PEX5: variants seen among roughly 807,000 people sequenced by gnomAD.
PEX5 encodes the protein peroxisomal biogenesis factor 5, also known as PTS1 receptor.
A neutral mutation model predicts 82.9 loss-of-function variants in PEX5; 52 were observed. The ratio of observed to expected loss-of-function variants is 0.63; its 90% CI spans 0.50 to 0.79. The LOEUF (loss-of-function observed/expected upper bound fraction) is 0.79. Among genes scored for constraint, PEX5 ranks in the 30% least tolerant of loss-of-function variants. PEX5 has a pLI of 0.00. For synonymous variants in PEX5, 300 were observed against 318.8 expected (o/e 0.94, Z 0.63); for missense variants, 719 against 815.2 (o/e 0.88, Z 1.44).
intron 10 of PEX5, among the ~76,000 whole-genome samples, chr12:7,205,419 G>A (rs1346359462): frequency 6.6e-6 from 1 of 152,162 alleles, no homozygotes; most frequent in African/African-American, 2.4e-5. Context: ...TGCACTGTTT[G>A]TTTATTGATA....
At chr12:7,195,849 A>G (rs1311368835) in intron 5 of PEX5, among the ~76,000 whole-genome samples, 1 of 150,880 alleles carries the variant, frequency 6.6e-6, no homozygotes, top group Non-Finnish European at 1.5e-5. Context: ...AGTATTAAGC[A>G]TCTCCTTTCC....
intron 5 of PEX5, among the ~76,000 whole-genome samples, chr12:7,198,171 C>T (rs1943103684): frequency 6.6e-6 from 1 of 152,098 alleles, no homozygotes; most frequent in Admixed American, 6.5e-5. Flanking sequence ...CCCTTTGTCA[C>T]TAGAGCTTCT....
chr12:7,209,213 C>G (rs748301707), intron 14 of PEX5, 43 bp downstream of exon 14: 2 of 1,593,940 alleles, frequency 1.3e-6, no homozygotes, highest in East Asian at 2.2e-5. Context: ...GACTGTGTAC[C>G]TTATTGAAGA....
At position 7,197,023 on chromosome 12, in the gene PEX5, G is replaced by GTAA. The variant is rs200055098; in HGVS notation, c.449-1986_449-1984dup. Among the ~76,000 whole-genome samples the GTAA allele has an allele frequency of 1.5e-4, 4 of 26,012 alleles. 2 individuals carry two copies. The highest frequency in any genetic ancestry group is 1.5e-3 in the East Asian group (2 of 1,334). 17.1% of individuals were successfully genotyped at this position (26,012 alleles called of 152,430 possible). On this transcript the variant is annotated intron_variant, in intron 5 of 15. Coordinates refer to ENST00000675855, the MANE Select transcript of PEX5 (RefSeq NM_001351132.2). The stretch of plus-strand genomic sequence containing the variant: ...AATAATTATATATGTCACATATAAT[G>GTAA]TAATTATATATGTCACATATAATGT...
downstream of PEX5, among the ~76,000 whole-genome samples, chr12:7,214,349 G>GA (rs1282175631): frequency 6.6e-6 from 1 of 151,902 alleles, no homozygotes; most frequent in African/African-American, 2.4e-5. Context: ...ACTGGATTAA[G>GA]AAAATGTGGC....
At chr12:7,203,381 G>T (rs1944382102) in intron 9 of PEX5, 51 bp from the exon 10 acceptor site, 1 of 1,573,264 alleles carries the variant, frequency 6.4e-7, no homozygotes, top group East Asian at 2.3e-5. Flanking sequence ...AGTGTGGGGT[G>T]GGGTGGTCAT....
chr12:7,200,272 T>G (rs1943615313), intron 6 of PEX5, among the ~76,000 whole-genome samples: 1 of 145,514 alleles, frequency 6.9e-6, no homozygotes. Flanking sequence ...GCAGAGGCGC[T>G]CCTCACATCT....
chr12:7,200,903 T>G (rs776933129), intron 6 of PEX5, among the ~76,000 whole-genome samples: 19 of 151,394 alleles, frequency 1.3e-4, no homozygotes, highest in African/African-American at 4.1e-4. Context: ...AGAGAGACCG[T>G]AGGGAGAGGG....
intron 1 of PEX5, chr12:7,190,015 C>A: frequency 6.6e-7 from 1 of 1,504,178 alleles, no homozygotes; most frequent in Non-Finnish European, 8.8e-7. Context: ...GTCCCTTCTT[C>A]GGGCAGTGTC....
intron 10 of PEX5, among the ~76,000 whole-genome samples, chr12:7,204,087 T>C (rs2136183906): frequency 6.6e-6 from 1 of 152,378 alleles, no homozygotes; most frequent in South Asian, 2.1e-4. Context: ...GAAAGATGAT[T>C]GCATTTTGCC....
intron 10 of PEX5, among the ~76,000 whole-genome samples, chr12:7,207,022 G>A (rs991214984): frequency 6.6e-6 from 1 of 152,132 alleles, no homozygotes; most frequent in Non-Finnish European, 1.5e-5. Context: ...GGAAGAGAAT[G>A]GTGTCTTTCT....
chr12:7,213,319 T>G (rs1394615576), downstream of PEX5, among the ~76,000 whole-genome samples: 2 of 152,052 alleles, frequency 1.3e-5, no homozygotes, highest in African/African-American at 4.8e-5. Flanking sequence ...CTACCTGACT[T>G]CTTCAAACTA....
In PEX5 at chr12:7,203,447, T is replaced by C; in HGVS notation, c.862T>C (p.Trp288Arg). 6.2e-7 allele frequency: 1 copy of C among 1,613,854 alleles called. No homozygotes were observed. Among genetic ancestry groups the C allele is most frequent in the Non-Finnish European group, 8.5e-7 (1 of 1,179,938 alleles). Residue 288 changes from tryptophan to arginine, a missense_variant, in exon 10 of 16, where the codon TGG becomes CGG. Trp to Arg is a moderately radical substitution (Grantham distance 101, BLOSUM62 -3). Coordinates refer to ENST00000675855, the MANE Select transcript of PEX5 (RefSeq NM_001351132.2). ...TTCCTTACAGTCTGATGTCGATTTCTGGGACAAGTTGCAGGCAGAGTTGGA... is the reference window on the plus strand; with the variant it reads ...TTCCTTACAGTCTGATGTCGATTTCCGGGACAAGTTGCAGGCAGAGTTGGA... ...KSAIESDVDF[W>R]DKLQAELEEM...
intron 1 of PEX5, chr12:7,190,018 G>T: frequency 6.6e-7 from 1 of 1,504,196 alleles, no homozygotes; most frequent in Non-Finnish European, 8.8e-7. Context: ...CCTTCTTCGG[G>T]CAGTGTCGCC....
intron 8 of PEX5, 115 bp downstream of exon 8, chr12:7,202,466 A>G: frequency 6.9e-7 from 1 of 1,445,888 alleles, no homozygotes. Context: ...TCTTGATAGC[A>G]TCCAGGTCCC....
intron 1 of PEX5, 186 bp from the exon 2 acceptor site, chr12:7,190,176 G>C (rs1183910540): frequency 1.3e-5 from 20 of 1,507,362 alleles, no homozygotes; most frequent in Non-Finnish European, 1.7e-5. Flanking sequence ...TGAGGGGGGC[G>C]GCAGGAGAGA....
intron 5 of PEX5, 75 bp downstream of exon 5, chr12:7,191,775 T>C (rs1179635853): frequency 1.4e-6 from 2 of 1,405,770 alleles, no homozygotes; most frequent in Non-Finnish European, 2.0e-6. Flanking sequence ...GTTCACGTTA[T>C]AGTGTGATTA....
chr12:7,191,355 A>G lies in PEX5; in HGVS notation c.313A>G (p.Arg105Gly). The G allele has an allele frequency of 1.9e-6, 3 of 1,614,146 alleles. No homozygotes were observed. Among genetic ancestry groups the G allele is most frequent in the Non-Finnish European group, 1.7e-6 (2 of 1,180,036 alleles). ...GTCAAACTTCCGCCAGGCTCCCCAG[A>G]GAGGTGAGTCCAGAGTCTAGTGGGA... ...EQSNFRQAPQ[R>G]APGVADLALS... The change falls in exon 4 of 16, where the codon AGA becomes GGA. Residue 105 changes from arginine to glycine, a missense_variant. Physicochemically the swap from Arg to Gly is moderately radical, Grantham distance 125 (BLOSUM62 -2). Transcript: ENST00000675855.
rs752693758 is a variant in PEX5 at position 7,203,181 on chromosome 12, ATGCAC to A, written c.847-214_847-210del. 2.5e-3 allele frequency among the ~76,000 whole-genome samples: 208 copies of A among 82,668 alleles called. 43 individuals carry two copies. Among genetic ancestry groups the A allele is most frequent in the East Asian group, 6.1e-3 (16 of 2,608 alleles). The allele number at this position is 82,668 out of a possible 152,430, so 54.2% of individuals were successfully genotyped here. A position where few individuals can be genotyped will look rare whatever the true frequency, so the allele number is the denominator to read the frequency against. ...CTCAAACAAAAAACTAAACTAAACT[ATGCAC>A]TGCACTGCACTGCACTGCACTGCAC... On this transcript the variant is annotated intron_variant, in intron 9 of 15. Transcript: ENST00000675855.
Sources: allele counts gnomAD v4.1 joint callset (sites outside exome capture counted in the v4.1 genomes callset), GRCh38; gene constraint gnomAD v4.1.1; transcripts MANE v1.5; gene names NCBI Gene and HGNC (gene_info 2026-07-23, HGNC 2026-07-21).